The following DENND6A variants were observed in gnomAD, a reference collection of about 807,000 sequenced individuals.
DENND6A encodes the protein DENN domain containing 6A, also known as protein DENND6A.
A neutral mutation model predicts 95.5 loss-of-function variants in DENND6A; 43 were observed. The ratio of observed to expected loss-of-function variants is 0.45; its 90% CI spans 0.35 to 0.58. DENND6A has a LOEUF of 0.58. DENND6A is among the 20% of genes least tolerant of loss of function. DENND6A has a pLI of 0.00. For missense variants in DENND6A, 574 were observed against 736.0 expected, an observed-to-expected ratio of 0.78 and a Z score of 2.55; for synonymous variants, 257 against 260.4, an observed-to-expected ratio of 0.99 and a Z score of 0.13.
intron 11 of DENND6A, among the ~76,000 whole-genome samples, chr3:57,643,613 A>G (rs2070998747): frequency 6.6e-6 from 1 of 151,888 alleles, no homozygotes; most frequent in South Asian, 2.1e-4. Context: ...GGATCACTTG[A>G]GGTCAGGAGT....
chr3:57,667,182 C>G (rs1313694742), intron 3 of DENND6A, among the ~76,000 whole-genome samples: 1 of 152,280 alleles, frequency 6.6e-6, no homozygotes, highest in African/African-American at 2.4e-5. Flanking sequence ...GTGCGTGCCA[C>G]CACGCCTGGC....
intron 11 of DENND6A, among the ~76,000 whole-genome samples, chr3:57,642,879 G>T (rs11710364): frequency 2.6e-5 from 4 of 151,708 alleles, no homozygotes; most frequent in Non-Finnish European, 5.9e-5. Context: ...GGTGGCAGGC[G>T]CCTGTAATCC....
In DENND6A at chr3:57,641,722, T is replaced by G; in HGVS notation, c.1063A>C (p.Asn355His). Residue 355 changes from asparagine (N) to histidine (H), a missense_variant, in exon 12 of 20, where the codon AAC becomes CAC. Physicochemically the swap from Asn to His is moderately conservative, Grantham distance 68. Transcript: ENST00000311128. ...APPSVILGVTNPFFAKTLQHW... is the reference protein window; with the variant it reads ...APPSVILGVTHPFFAKTLQHW... ...TGGAGTGTCTTAGCAAAAAAAGGGT[T>G]GGTTACTCCTAATATAACTGAGGGC... 6.2e-7 allele frequency: 1 copy of G among 1,613,418 alleles called. No homozygotes were observed. The highest frequency in any genetic ancestry group is 8.5e-7 in the Non-Finnish European group (1 of 1,179,706).
rs530736978 is a variant in DENND6A, at chr3:57,629,032, A to G, written c.1621-147T>C. On this transcript the variant is annotated intron_variant, in intron 18 of 19. Transcript: ENST00000311128. The stretch of plus-strand genomic sequence containing the variant: ...CCAGATATAGCATTATAGTGCAAGA[A>G]TAATTCTCATAATATTCTAATAACT... The G allele has an allele frequency of 1.8e-5, 10 of 553,428 alleles. No individual in the cohort carries two copies. The South Asian group carries it at 2.6e-4, about 14-fold the overall frequency. 34.3% of individuals were successfully genotyped at this position (553,428 alleles called of 1,614,324 possible).
intron 1 of DENND6A, among the ~76,000 whole-genome samples, chr3:57,681,621 T>TAA (rs35245886): frequency 0.015 from 1,757 of 119,596 alleles, 15 homozygotes; most frequent in Non-Finnish European, 0.019. Context: ...AAGACCCTGT[T>TAA]AAAAAAAAAA....
intron 3 of DENND6A, among the ~76,000 whole-genome samples, chr3:57,671,472 G>A (rs1347996914): frequency 2.0e-5 from 3 of 151,858 alleles, no homozygotes; most frequent in Admixed American, 2.0e-4. Context: ...GGAGCTTGCA[G>A]TGAGCTGAGA....
chr3:57,645,987 A>G (rs1374795075), intron 10 of DENND6A, among the ~76,000 whole-genome samples: 2 of 152,174 alleles, frequency 1.3e-5, no homozygotes, highest in Admixed American at 6.6e-5. Flanking sequence ...TTCTGGCTCT[A>G]CTGTTCACTA....
At chr3:57,651,394 G>A (rs567771480) in intron 9 of DENND6A, among the ~76,000 whole-genome samples, 2 of 152,236 alleles carry the variant, frequency 1.3e-5, no homozygotes, top group African/African-American at 4.8e-5. Flanking sequence ...ATTATTCTGG[G>A]TGAAGGAAGA....
chr3:57,688,863 T>C (rs752134550), intron 1 of DENND6A, among the ~76,000 whole-genome samples: 8 of 152,200 alleles, frequency 5.3e-5, no homozygotes, highest in Non-Finnish European at 1.0e-4. Context: ...CCTTGACAGA[T>C]ACAAAATTAT....
rs1424040273 is a variant in DENND6A at position 57,627,971 on chromosome 3, T to C, written c.*243A>G. ...CTCATAAGAGCACTTTAGAACATGA[T>C]TAAAAATATAGAAATGCCTTTCGGT... On this transcript the variant is annotated 3_prime_UTR_variant, in exon 20 of 20. Coordinates refer to ENST00000311128, the MANE Select transcript of DENND6A (RefSeq NM_152678.3). 4.9e-6 allele frequency: 2 copies of C among 410,280 alleles called. No homozygotes were observed. Among genetic ancestry groups the C allele is most frequent in the East Asian group, 4.5e-5 (1 of 22,058 alleles). 25.4% of individuals were successfully genotyped at this position (410,280 alleles called of 1,614,324 possible).
intron 14 of DENND6A, 124 bp downstream of exon 14, chr3:57,634,434 C>CA (rs60799417): frequency 9.9e-3 from 2,753 of 279,412 alleles, no homozygotes; most frequent in Non-Finnish European, 0.012. Flanking sequence ...CTCTGTCTCC[C>CA]AAAAAAAAAA....
chr3:57,680,880 G>A (rs2077158052), intron 1 of DENND6A, among the ~76,000 whole-genome samples: 1 of 152,150 alleles, frequency 6.6e-6, no homozygotes, highest in Admixed American at 6.6e-5. Flanking sequence ...TAGGACAGCT[G>A]TAATCAAAAG....
At chr3:57,689,366 A>G (rs1184441077) in intron 1 of DENND6A, among the ~76,000 whole-genome samples, 1 of 152,198 alleles carries the variant, frequency 6.6e-6, no homozygotes, top group Admixed American at 6.5e-5. Context: ...CGGATAATTA[A>G]GGCTTTACTA....
chr3:57,654,591 C>T, intron 9 of DENND6A: 2 of 970,580 alleles, frequency 2.1e-6, no homozygotes, highest in Non-Finnish European at 2.4e-6. Flanking sequence ...GTCCCTGACT[C>T]TAAGGCAAGA....
intron 3 of DENND6A, among the ~76,000 whole-genome samples, chr3:57,666,653 T>C (rs2071528330): frequency 6.6e-6 from 1 of 152,212 alleles, no homozygotes. Context: ...TAGGGATGCA[T>C]GGCTGGGTGA....
intron 1 of DENND6A, among the ~76,000 whole-genome samples, chr3:57,673,971 T>C (rs967821303): frequency 1.3e-5 from 2 of 152,162 alleles, no homozygotes; most frequent in African/African-American, 2.4e-5. Flanking sequence ...GATTTCACCA[T>C]GTTGGTCAGG....
In DENND6A at chr3:57,627,873, C is replaced by G. The variant is rs925224172; in HGVS notation, c.*341G>C. On this transcript the variant is annotated 3_prime_UTR_variant, in exon 20 of 20. Coordinates refer to ENST00000311128, the MANE Select transcript of DENND6A (RefSeq NM_152678.3). ...GTTTTAACATGATTGGGCAAAGCAG[C>G]ACCAATTTAAAAAAATATCTGCAAT... The G allele has an allele frequency of 1.1e-5, 2 of 184,746 alleles. No individual in the cohort carries two copies. The highest frequency in any genetic ancestry group is 4.7e-5 in the African/African-American group (2 of 42,442). The allele number at this position is 184,746 out of a possible 1,614,324, so 11.4% of individuals were successfully genotyped here.
chr3:57,659,624 C>G (rs988004383), intron 7 of DENND6A, among the ~76,000 whole-genome samples: 1 of 152,136 alleles, frequency 6.6e-6, no homozygotes, highest in African/African-American at 2.4e-5. Context: ...AATACAGATC[C>G]TACAAAAATG....
intron 9 of DENND6A, among the ~76,000 whole-genome samples, chr3:57,650,886 G>A (rs1455964911): frequency 6.7e-6 from 1 of 150,160 alleles, no homozygotes; most frequent in Non-Finnish European, 1.5e-5. Context: ...CCAGATTCAA[G>A]AGATTCTCCT....
Sources: gnomAD v4.1 joint callset for allele counts (sites outside exome capture counted in the v4.1 genomes callset) on GRCh38, gnomAD v4.1.1 for gene constraint, MANE v1.5 for transcripts, NCBI Gene and HGNC (gene_info 2026-07-23, HGNC 2026-07-21) for gene names.